The following AK3 variants were observed in gnomAD, a reference collection of about 807,000 sequenced individuals.
AK3 encodes the protein GTP:AMP phosphotransferase AK3, mitochondrial.
In AK3, 27 loss-of-function variants were observed where a neutral mutation model predicts 23.7. That is an observed-to-expected ratio of 1.14 (90% CI 0.84 to 1.57). The LOEUF (loss-of-function observed/expected upper bound fraction) is 1.57. AK3 is among the 40% of genes most tolerant of loss of function. AK3 has a pLI of 0.00. For missense variants in AK3, 406 were observed against 285.6 expected, an observed-to-expected ratio of 1.42 and a Z score of -3.04; for synonymous variants, 159 against 116.0, an observed-to-expected ratio of 1.37 and a Z score of -2.38.
chr9:4,739,230 G>C (rs555028415), intron 1 of AK3, among the ~76,000 whole-genome samples: 1 of 151,620 alleles, frequency 6.6e-6, no homozygotes, highest in Admixed American at 6.6e-5. Context: ...ATGGGGTCTT[G>C]CTCAGGCTGG....
In AK3 at chr9:4,741,036, A is replaced by G. The variant is rs1307472474; in HGVS notation, c.52T>C (p.Ser18Pro). 4.4e-6 allele frequency: 7 copies of G among 1,579,526 alleles called. No homozygotes were observed. The highest frequency in any genetic ancestry group is 6.0e-6 in the Non-Finnish European group (7 of 1,165,350). ...CGCGACGACACGGTGCCCTTGCCCG[A>G]GCCCGGGGCCCCCATGATCACCGCT... ...LRAVIMGAPG[S>P]GKGTVSSRIT... The change falls in exon 1 of 5, where the codon TCG (serine) becomes CCG (proline). Residue 18 changes from serine to proline, a missense_variant. Ser to Pro is a moderately conservative substitution (Grantham distance 74, BLOSUM62 -1). Coordinates refer to ENST00000381809, the MANE Select transcript of AK3 (RefSeq NM_016282.4).
At chr9:4,734,463 T>A (rs755799520) in intron 1 of AK3, among the ~76,000 whole-genome samples, 2 of 152,162 alleles carry the variant, frequency 1.3e-5, no homozygotes, top group Non-Finnish European at 2.9e-5. Flanking sequence ...CTAGCACATA[T>A]CTGATGCTTA....
chr9:4,722,096 C>A (rs764733505), intron 2 of AK3, among the ~76,000 whole-genome samples: 42 of 152,306 alleles, frequency 2.8e-4, no homozygotes, highest in East Asian at 2.3e-3. Flanking sequence ...GAGGACTCAA[C>A]TGAAACAAAT....
chr9:4,735,200 G>A (rs1394719920), intron 1 of AK3, among the ~76,000 whole-genome samples: 1 of 144,536 alleles, frequency 6.9e-6, no homozygotes, highest in African/African-American at 2.6e-5. Flanking sequence ...TTCATGACAA[G>A]CCTGGACCAA....
At chr9:4,741,440 G>A, upstream of AK3, 1 of 218,136 alleles carries the variant, frequency 4.6e-6, no homozygotes, top group Non-Finnish European at 8.9e-6. Flanking sequence ...GCTGGGCCCG[G>A]ATCCCTTCGG....
intron 1 of AK3, among the ~76,000 whole-genome samples, chr9:4,738,919 G>A (rs953116447): frequency 6.6e-6 from 1 of 151,600 alleles, no homozygotes; most frequent in African/African-American, 2.4e-5. Context: ...CCACAGGCGC[G>A]AGCCACCATG....
At position 4,715,254 on chromosome 9, in the gene AK3, A is replaced by C. The variant is rs190307574; in HGVS notation, c.564-2158T>G. ...AAAAAAAAGAAAGAAGGAAAGAAAAAGAAAAGAAAAGCTTGAATTAACAGC... is the reference window on the plus strand; with the variant it reads ...AAAAAAAAGAAAGAAGGAAAGAAAACGAAAAGAAAAGCTTGAATTAACAGC... On this transcript the variant is annotated intron_variant, in intron 4 of 4. Coordinates refer to ENST00000381809, the MANE Select transcript of AK3 (RefSeq NM_016282.4). Among the ~76,000 whole-genome samples, 238 of 151,536 alleles carry C rather than the reference A, an allele frequency of 1.6e-3. 1 individual carries two copies. The highest frequency in any genetic ancestry group is 4.5e-3 in the African/African-American group (186 of 41,400).
rs544235116 is a variant in AK3, at chr9:4,739,835, A to G, written c.151+1102T>C. Among the ~76,000 whole-genome samples the G allele has an allele frequency of 1.4e-4, 21 of 152,160 alleles. No homozygotes were observed. The South Asian group carries it at 1.9e-3, about 14-fold the overall frequency. On this transcript the variant is annotated intron_variant, in intron 1 of 4. Coordinates refer to ENST00000381809, the MANE Select transcript of AK3 (RefSeq NM_016282.4). ...AGTCCCAGCTACTAGGGAGGCTGAGACAGGAGAATTGCTTGAACCCAGGAG... is the reference window on the plus strand; with the variant it reads ...AGTCCCAGCTACTAGGGAGGCTGAGGCAGGAGAATTGCTTGAACCCAGGAG...
At chr9:4,732,772 C>A (rs1200318228) in intron 1 of AK3, among the ~76,000 whole-genome samples, 1 of 152,032 alleles carries the variant, frequency 6.6e-6, no homozygotes, top group Non-Finnish European at 1.5e-5. Flanking sequence ...AACCACACCT[C>A]ATATCTGAAT....
Position 4,722,925 on chromosome 9 carries a change from G to A in AK3, c.152-300C>T, listed in dbSNP as rs141452425. ...AAAAAAATTAGCCGGACATGATGGC[G>A]GGTGCCTGTAATCCCAGCTACTTGG... is the stretch of plus-strand genomic sequence containing the variant. On this transcript the variant is annotated intron_variant, in intron 1 of 4. Transcript: ENST00000381809. 8.0e-3 allele frequency among the ~76,000 whole-genome samples: 1,224 copies of A among 152,172 alleles called. 8 individuals are homozygous for A. Among genetic ancestry groups the A allele is most frequent in the South Asian group, 0.037 (179 of 4,810 alleles).
chr9:4,719,655 G>T (rs971955255), intron 2 of AK3, among the ~76,000 whole-genome samples: 3 of 152,110 alleles, frequency 2.0e-5, no homozygotes, highest in African/African-American at 7.2e-5. Context: ...GGCCTGAGTA[G>T]AACAAAAGGC....
At chr9:4,729,015 A>ATATATATAT (rs71326127) in intron 1 of AK3, among the ~76,000 whole-genome samples, 41 of 129,396 alleles carry the variant, frequency 3.2e-4, no homozygotes, top group East Asian at 9.6e-4. Context: ...ATATATATAT[A>ATATATATAT]TTTTTTTTTT....
intron 4 of AK3, among the ~76,000 whole-genome samples, chr9:4,714,846 A>G (rs1405930834): frequency 2.6e-5 from 4 of 152,196 alleles, no homozygotes; most frequent in African/African-American, 9.7e-5. Context: ...AATGCTGACT[A>G]TTACTAACAT....
chr9:4,728,866 T>TATATATACACACACACAC (rs1395790351), intron 1 of AK3, among the ~76,000 whole-genome samples: 1 of 87,894 alleles, frequency 1.1e-5, no homozygotes, highest in African/African-American at 3.8e-5. Context: ...TATATATATA[T>TATATATACACACACACAC]ACACACACAC....
chr9:4,741,059 G>C lies in AK3; in HGVS notation c.29C>G (p.Ala10Gly), dbSNP rs1190228776. The change falls in exon 1 of 5, where the codon GCG becomes GGG. Residue 10 changes from alanine to glycine, a missense_variant. Coordinates refer to ENST00000381809, the MANE Select transcript of AK3 (RefSeq NM_016282.4). MGASARLLR[A>G]VIMGAPGSGK... ...CGAGCCCGGGGCCCCCATGATCACC[G>C]CTCGCAGCAGCCGCGCGGACGCCCC... 6.4e-7 allele frequency: 1 copy of C among 1,559,712 alleles called. No individual in the cohort carries two copies. The highest frequency in any genetic ancestry group is 1.2e-5 in the South Asian group (1 of 84,372).
At chr9:4,725,818 A>T (rs541201445) in intron 1 of AK3, among the ~76,000 whole-genome samples, 1 of 152,322 alleles carries the variant, frequency 6.6e-6, no homozygotes, top group Non-Finnish European at 1.5e-5. Context: ...TGAACACATG[A>T]TCAACGTCCT....
At chr9:4,716,678 C>A (rs755854481) in intron 4 of AK3, among the ~76,000 whole-genome samples, 76 of 152,324 alleles carry the variant, frequency 5.0e-4, no homozygotes, top group Non-Finnish European at 8.4e-4. Context: ...TACCTGTAAT[C>A]CCAATGTTTT....
intron 4 of AK3, among the ~76,000 whole-genome samples, chr9:4,713,755 CTATT>C (rs1296845840): frequency 4.6e-5 from 7 of 152,106 alleles, no homozygotes; most frequent in Non-Finnish European, 7.4e-5. Context: ...CAGCCAAAGT[CTATT>C]TTATTTACTC....
chr9:4,739,298 C>T (rs1034111392), intron 1 of AK3, among the ~76,000 whole-genome samples: 3 of 150,894 alleles, frequency 2.0e-5, no homozygotes, highest in Non-Finnish European at 4.4e-5. Context: ...TCAAGCGATT[C>T]TCTCTCCTCA....
Sources: gnomAD v4.1 joint callset for allele counts (sites outside exome capture counted in the v4.1 genomes callset) on GRCh38, gnomAD v4.1.1 for gene constraint, MANE v1.5 for transcripts, NCBI Gene and HGNC (gene_info 2026-07-23, HGNC 2026-07-21) for gene names.